ACTR10: variants seen among roughly 807,000 people sequenced by gnomAD.
ACTR10 encodes actin-related protein 10.
In ACTR10, 43 loss-of-function variants were observed where a neutral mutation model predicts 56.2. That is an observed-to-expected ratio of 0.77 (90% CI 0.60 to 0.99). The LOEUF is 0.99. Ranked by LOEUF, ACTR10 falls within the 50% of genes least tolerant of loss-of-function variation. The pLI is 0.00. For missense variants in ACTR10, 466 were observed against 507.8 expected (o/e 0.92, Z 0.79); for synonymous variants, 170 against 176.3 (o/e 0.96, Z 0.28).
chr14:58,201,358 T>G (rs1888699818), intron 1 of ACTR10, among the ~76,000 whole-genome samples: 1 of 152,212 alleles, frequency 6.6e-6, no homozygotes, highest in Non-Finnish European at 1.5e-5. Flanking sequence ...GATAATTATT[T>G]TGGCTGTACT....
At chr14:58,201,702 G>T (rs1224208039) in intron 1 of ACTR10, among the ~76,000 whole-genome samples, 2 of 152,172 alleles carry the variant, frequency 1.3e-5, no homozygotes. Flanking sequence ...CAAGAAAAGA[G>T]CATCGTTTTT....
In ACTR10 at chr14:58,215,292, C is replaced by A. The variant is rs768463639; in HGVS notation, c.598+8C>A. On this transcript the variant is annotated splice_region_variant and intron_variant, in intron 7 of 12. Coordinates refer to ENST00000254286, the MANE Select transcript of ACTR10 (RefSeq NM_018477.3). ...GCCTTCCCTCAGTGATGGGTAAATT[C>A]ATTTTAAGTGGTTTAGGAGTGGTTT... The A allele has an allele frequency of 6.3e-7, 1 of 1,590,398 alleles. No homozygotes were observed. Among genetic ancestry groups the A allele is most frequent in the East Asian group, 2.2e-5 (1 of 44,622 alleles).
chr14:58,215,320 A>C (rs1394860092), intron 7 of ACTR10, 36 bp downstream of exon 7: 12 of 1,365,954 alleles, frequency 8.8e-6, no homozygotes, highest in South Asian at 2.6e-5. Flanking sequence ...AGTGGTTTAC[A>C]CTCTCTTTTT....
rs878881687 is a variant in ACTR10 at position 58,223,790 on chromosome 14, C to T, written c.722C>T (p.Ser241Phe). The T allele has an allele frequency of 1.2e-6, 2 of 1,612,740 alleles. No homozygotes were observed. Among genetic ancestry groups the T allele is most frequent in the Non-Finnish European group, 1.7e-6 (2 of 1,179,070 alleles). The stretch of plus-strand genomic sequence containing the variant: ...ATGATATTTATATTTCAGCGTCCCT[C>T]CCCACCCCCAAATGTTGACTATCCA... ...FNIDGNNERP[S>F]PPPNVDYPLD... The change falls in exon 10 of 13, where the codon TCC (serine) becomes TTC (phenylalanine). Residue 241 changes from serine (S) to phenylalanine (F), a missense_variant. Transcript: ENST00000254286.
intron 3 of ACTR10, among the ~76,000 whole-genome samples, chr14:58,208,714 G>A (rs1888923684): frequency 1.4e-5 from 2 of 146,854 alleles, no homozygotes; most frequent in Admixed American, 6.8e-5. Context: ...GCCAGATCCT[G>A]TCTCAAAAAA....
intron 1 of ACTR10, among the ~76,000 whole-genome samples, chr14:58,201,688 TACTC>T (rs947541466): frequency 3.3e-5 from 5 of 152,186 alleles, no homozygotes; most frequent in African/African-American, 1.2e-4. Flanking sequence ...AATACCTAAA[TACTC>T]AAGAAAAGAG....
chr14:58,223,086 A>T (rs1318243417), intron 8 of ACTR10, among the ~76,000 whole-genome samples: 1 of 152,140 alleles, frequency 6.6e-6, no homozygotes, highest in Non-Finnish European at 1.5e-5. Context: ...AACATGTTTT[A>T]TGACACCTTA....
intron 4 of ACTR10, 32 bp downstream of exon 4, chr14:58,209,139 C>G: frequency 7.2e-7 from 1 of 1,387,194 alleles, no homozygotes; most frequent in South Asian, 1.3e-5. Context: ...AAGTAAATTG[C>G]TTTTGAAATA....
intron 10 of ACTR10, among the ~76,000 whole-genome samples, chr14:58,227,706 G>A (rs747192736): frequency 3.3e-5 from 5 of 152,190 alleles, no homozygotes; most frequent in Non-Finnish European, 5.9e-5. Flanking sequence ...ATACTTTAGT[G>A]GTGAAGTGGA....
intron 2 of ACTR10, chr14:58,207,333 G>GTTTA (rs1888892489): frequency 6.5e-6 from 1 of 153,130 alleles, no homozygotes; most frequent in Non-Finnish European, 1.4e-5. Flanking sequence ...TTGTTTGTTT[G>GTTTA]TTTGTTTTTT....
intron 8 of ACTR10, chr14:58,223,364 CTG>C (rs1196491823): frequency 2.5e-4 from 91 of 369,404 alleles, no homozygotes; most frequent in African/African-American, 1.9e-3. Context: ...TCTCGAACTC[CTG>C]ACCTCAGGTG....
chr14:58,227,822 A>G (rs1022615582), intron 10 of ACTR10, among the ~76,000 whole-genome samples: 1 of 152,242 alleles, frequency 6.6e-6, no homozygotes, highest in African/African-American at 2.4e-5. Context: ...TTTATAAAAA[A>G]TAGAGTTTAT....
At chr14:58,204,147 C>G (rs562412906) in intron 2 of ACTR10, among the ~76,000 whole-genome samples, 1 of 151,194 alleles carries the variant, frequency 6.6e-6, no homozygotes, top group Non-Finnish European at 1.5e-5. Context: ...TTTGGGAGGC[C>G]GAGGCGGGCA....
At chr14:58,209,409 A>G (rs72716931) in intron 4 of ACTR10, among the ~76,000 whole-genome samples, 6 of 152,178 alleles carry the variant, frequency 3.9e-5, no homozygotes, top group East Asian at 1.9e-4. Context: ...ATTACTGTTT[A>G]TTTATTTTAA....
At chr14:58,223,749 G>A in intron 9 of ACTR10, 34 bp from the exon 10 acceptor site, 1 of 1,605,120 alleles carries the variant, frequency 6.2e-7, no homozygotes. Context: ...GTTACAACAT[G>A]TGTGGACTTA....
At chr14:58,202,448 G>A (rs1487114407) in intron 1 of ACTR10, among the ~76,000 whole-genome samples, 2 of 151,880 alleles carry the variant, frequency 1.3e-5, no homozygotes, top group South Asian at 2.1e-4. Flanking sequence ...GCCCTGCGTG[G>A]TGGCCGGCAC....
chr14:58,234,629 T>A lies in ACTR10; in HGVS notation c.*78T>A, dbSNP rs1396241623. The stretch of plus-strand genomic sequence containing the variant: ...AGCAAATTGTACAAAGTATGTAGGA[T>A]GTTTTGTTATAGAGGACTATAGTGG... On this transcript the variant is annotated 3_prime_UTR_variant, in exon 13 of 13. Transcript: ENST00000254286. The A allele has an allele frequency of 4.3e-6, 6 of 1,390,756 alleles. No individual in the cohort carries two copies. The highest frequency in any genetic ancestry group is 5.9e-6 in the Non-Finnish European group (6 of 1,017,806). The allele number at this position is 1,390,756 out of a possible 1,614,324, so 86.2% of individuals were successfully genotyped here. A position where few individuals can be genotyped will look rare whatever the true frequency, so the allele number is the denominator to read the frequency against.
At position 58,207,934 on chromosome 14, in the gene ACTR10, A is replaced by C; in HGVS notation, c.151-2A>C. On this transcript the variant is annotated splice_acceptor_variant, in intron 2 of 12. Transcript: ENST00000254286. LOFTEE classifies it high-confidence loss of function. ...TTAATAAATCATTTTAATTTTTTAC[A>C]GCCTGTCAGAGTTGTTCAGTATAAT... The C allele has an allele frequency of 7.0e-7, 1 of 1,436,342 alleles. No individual in the cohort carries two copies. The highest frequency in any genetic ancestry group is 9.2e-7 in the Non-Finnish European group (1 of 1,091,326). The allele number at this position is 1,436,342 out of a possible 1,614,324, so 89.0% of individuals were successfully genotyped here. A position where few individuals can be genotyped will look rare whatever the true frequency, so the allele number is the denominator to read the frequency against.
chr14:58,210,166 G>A (rs1024202814), intron 4 of ACTR10, among the ~76,000 whole-genome samples: 29 of 151,994 alleles, frequency 1.9e-4, no homozygotes, highest in Admixed American at 1.9e-3. Context: ...TTAGATAAGG[G>A]GAATACAGCC....
Sources: gnomAD v4.1 joint callset for allele counts (sites outside exome capture counted in the v4.1 genomes callset) on GRCh38, gnomAD v4.1.1 for gene constraint, MANE v1.5 for transcripts, NCBI Gene and HGNC (gene_info 2026-07-23, HGNC 2026-07-21) for gene names.